Variants in VPS8 observed in about 807,000 individuals in gnomAD.
The protein encoded by VPS8 is VPS8 subunit of CORVET complex.
VPS8 carries 129 observed loss-of-function variants against 216.4 expected under a neutral mutation model. The ratio of observed to expected loss-of-function variants is 0.60; its 90% confidence interval spans 0.52 to 0.69. The LOEUF (loss-of-function observed/expected upper bound fraction) is 0.69. VPS8 is among the 30% of genes least tolerant of loss of function. VPS8 has a pLI of 0.00. For synonymous variants in VPS8, 571 were observed against 565.4 expected, an observed-to-expected ratio of 1.01 and a Z score of -0.14; for missense variants, 1,531 against 1,683.5, an observed-to-expected ratio of 0.91 and a Z score of 1.59.
chr3:184,826,335 G>A, intron 3 of VPS8, 104 bp downstream of exon 3: 12 of 727,048 alleles, frequency 1.7e-5, no homozygotes, highest in Non-Finnish European at 2.4e-5. Context: ...TTTCCAGTAG[G>A]GTAGCCACTA....
chr3:184,980,520 TATTTTTTATTTGAAGAACTGGTCTTC>T (rs1231682795), intron 40 of VPS8, among the ~76,000 whole-genome samples: 2 of 152,180 alleles, frequency 1.3e-5, no homozygotes, highest in South Asian at 2.1e-4. Flanking sequence ...TTTTTGCCTT[TATTTTTTATTTGAAGAACTGGTCTTC>T]ATTTTTTATT....
At chr3:185,039,967 T>C (rs1301531944) in intron 46 of VPS8, among the ~76,000 whole-genome samples, 1 of 152,134 alleles carries the variant, frequency 6.6e-6, no homozygotes, top group Non-Finnish European at 1.5e-5. Flanking sequence ...CTGTTAGTCG[T>C]AGATTGTTTT....
At chr3:184,858,193 A>G (rs1490444278) in intron 14 of VPS8, among the ~76,000 whole-genome samples, 1 of 152,234 alleles carries the variant, frequency 6.6e-6, no homozygotes, top group Non-Finnish European at 1.5e-5. Flanking sequence ...AAGGGGAAGA[A>G]GCAAATTATA....
At chr3:185,014,399 G>A (rs1447394174) in intron 45 of VPS8, among the ~76,000 whole-genome samples, 2 of 152,126 alleles carry the variant, frequency 1.3e-5, no homozygotes, top group Non-Finnish European at 1.5e-5. Flanking sequence ...CTCTTCCTCG[G>A]CATCTGGCTC....
At chr3:185,011,121 A>AG (rs1242063640) in intron 45 of VPS8, among the ~76,000 whole-genome samples, 1 of 151,894 alleles carries the variant, frequency 6.6e-6, no homozygotes, top group African/African-American at 2.4e-5. Flanking sequence ...TACAAAAAAA[A>AG]AAAAACTTTA....
At chr3:184,958,059 A>G (rs1284416066) in intron 37 of VPS8, among the ~76,000 whole-genome samples, 1 of 152,182 alleles carries the variant, frequency 6.6e-6, no homozygotes, top group Non-Finnish European at 1.5e-5. Flanking sequence ...TGGGGGAAAC[A>G]TATTTTGGTT....
intron 2 of VPS8, 66 bp downstream of exon 2, chr3:184,824,851 C>T (rs542907132): frequency 1.4e-6 from 2 of 1,452,482 alleles, no homozygotes; most frequent in African/African-American, 1.4e-5. Context: ...TGCTTTGTGA[C>T]CCAGAGACTC....
At chr3:184,862,757 C>G in intron 15 of VPS8, 140 bp from the exon 16 acceptor site, 1 of 805,470 alleles carries the variant, frequency 1.2e-6, no homozygotes, top group Non-Finnish European at 1.9e-6. Context: ...GTAGTTCTTG[C>G]TTTGATTGTG....
rs1560646693 is a variant in VPS8, at chr3:184,913,533, A to G, written c.2161A>G (p.Met721Val). 1 of 1,588,958 alleles carries G rather than the reference A, an allele frequency of 6.3e-7. No individual in the cohort carries two copies. The stretch of plus-strand genomic sequence containing the variant: ...TTCTATTTTAGATGAACAAGTTGTT[A>G]TGGGCAATAAGCTCCTTGTATATAT... ...GKTLTDEQVV[M>V]GNKLLVYISC... The change falls in exon 26 of 48, where the codon ATG becomes GTG. Residue 721 changes from methionine (M) to valine (V), a missense_variant. By Grantham distance (21) the Met-to-Val change is conservative. Transcript: ENST00000625842.
chr3:185,025,172 A>G (rs989364825), intron 46 of VPS8, among the ~76,000 whole-genome samples: 2 of 152,214 alleles, frequency 1.3e-5, no homozygotes, highest in Non-Finnish European at 1.5e-5. Flanking sequence ...GTGACCACAG[A>G]TAGGGTATGA....
chr3:184,976,868 T>C (rs1049849647), intron 40 of VPS8, among the ~76,000 whole-genome samples: 3 of 152,194 alleles, frequency 2.0e-5, no homozygotes, highest in African/African-American at 7.2e-5. Context: ...CCACTGTTGA[T>C]GGGCACTTTC....
chr3:184,977,641 A>T (rs899349345), intron 40 of VPS8, among the ~76,000 whole-genome samples: 1 of 151,850 alleles, frequency 6.6e-6, no homozygotes, highest in Non-Finnish European at 1.5e-5. Context: ...GGTGATACAT[A>T]GTTCCCTAGT....
intron 22 of VPS8, among the ~76,000 whole-genome samples, chr3:184,892,928 A>G (rs1732644599): frequency 6.6e-6 from 1 of 152,150 alleles, no homozygotes; most frequent in Non-Finnish European, 1.5e-5. Context: ...TCTTTGAATC[A>G]TTGGTTATCT....
chr3:184,900,921 A>C lies in VPS8; in HGVS notation c.2095A>C (p.Lys699Gln). 6.2e-7 allele frequency: 1 copy of C among 1,602,606 alleles called. No individual in the cohort carries two copies. The highest frequency in any genetic ancestry group is 8.5e-7 in the Non-Finnish European group (1 of 1,177,092). ...GMNEFISPME[K>Q]LFRVIAPPLN... Reference sequence around the variant, plus strand: ...TGTTTTCCTATTAATTTTAATGCAGAAACTTTTCAGAGTCATTGCTCCTCC... The same window carrying C: ...TGTTTTCCTATTAATTTTAATGCAGCAACTTTTCAGAGTCATTGCTCCTCC... Residue 699 changes from lysine (K) to glutamine (Q), a missense_variant and splice_region_variant, in exon 25 of 48, where the codon AAA becomes CAA. Coordinates refer to ENST00000625842, the MANE Select transcript of VPS8 (RefSeq NM_001009921.3).
At chr3:184,839,623 CA>C in intron 6 of VPS8, 74 bp from the exon 7 acceptor site, 1 of 1,438,282 alleles carries the variant, frequency 7.0e-7, no homozygotes, top group Non-Finnish European at 9.4e-7. Context: ...GAAGGCAGGC[CA>C]ACAAATTCAA....
chr3:184,859,784 C>T (rs1217934501), intron 14 of VPS8, among the ~76,000 whole-genome samples: 2 of 152,012 alleles, frequency 1.3e-5, no homozygotes. Context: ...CCAGATATGC[C>T]CTGCATTTTG....
At chr3:184,995,273 T>A (rs1318665973) in intron 43 of VPS8, among the ~76,000 whole-genome samples, 1 of 152,168 alleles carries the variant, frequency 6.6e-6, no homozygotes, top group Non-Finnish European at 1.5e-5. Context: ...TTGGAGACAA[T>A]GTCTGCTTTT....
chr3:184,872,743 A>G (rs960185202), intron 21 of VPS8, among the ~76,000 whole-genome samples: 1 of 152,154 alleles, frequency 6.6e-6, no homozygotes, highest in African/African-American at 2.4e-5. Flanking sequence ...GATGAAAAAT[A>G]TACATAGCAT....
intron 47 of VPS8, among the ~76,000 whole-genome samples, chr3:185,050,739 G>A (rs1473409535): frequency 6.6e-6 from 1 of 152,178 alleles, no homozygotes; most frequent in African/African-American, 2.4e-5. Flanking sequence ...TCGGACTCCT[G>A]GAGTGTTTGG....
Sources: gnomAD v4.1 joint callset for allele counts (sites outside exome capture counted in the v4.1 genomes callset) on GRCh38, gnomAD v4.1.1 for gene constraint, MANE v1.5 for transcripts, NCBI Gene and HGNC (gene_info 2026-07-23, HGNC 2026-07-21) for gene names.